CA5B: variants seen among roughly 807,000 people sequenced by gnomAD.
The protein encoded by CA5B is carbonic anhydrase 5B, mitochondrial.
Under a neutral mutation model 23.1 loss-of-function variants are expected in CA5B, and 15 were observed. The ratio of observed to expected loss-of-function variants is 0.65; its 90% CI spans 0.43 to 1.00. The LOEUF (loss-of-function observed/expected upper bound fraction) is 1.00, where lower values mean the gene tolerates loss of function less well. CA5B is among the 50% of genes least tolerant of loss of function. The probability of loss-of-function intolerance (pLI) is 0.00; values close to 1 mark genes in which losing one functional copy is unlikely to be tolerated. For synonymous variants in CA5B, 84 were observed against 98.5 expected, an observed-to-expected ratio of 0.85 and a Z score of 0.87; for missense variants, 236 against 252.2, an observed-to-expected ratio of 0.94 and a Z score of 0.43.
At chrX:15,752,057 A>G (rs189509079) in intron 2 of CA5B, among the ~76,000 whole-genome samples, 3 of 111,993 alleles carry the variant, frequency 2.7e-5, no homozygotes, top group Non-Finnish European at 5.6e-5. Flanking sequence ...CCCATGATAC[A>G]GCCTCAAGAG....
At chrX:15,753,728 G>A (rs1931429191) in intron 2 of CA5B, among the ~76,000 whole-genome samples, 1 of 112,031 alleles carries the variant, frequency 8.9e-6, no homozygotes, top group South Asian at 3.7e-4. Flanking sequence ...GGCCAACATG[G>A]TGAAACCCCA....
intron 3 of CA5B, among the ~76,000 whole-genome samples, chrX:15,769,828 G>C (rs779320487): frequency 1.4e-4 from 16 of 111,709 alleles, no homozygotes; most frequent in African/African-American, 4.5e-4. Flanking sequence ...TTATTTATGT[G>C]GGTTCTGTGT....
chrX:15,782,829 C>A lies in CA5B; in HGVS notation c.*165C>A. 2.6e-6 allele frequency: 1 copy of A among 381,906 alleles called. No homozygotes were observed. Among genetic ancestry groups the A allele is most frequent in the Non-Finnish European group, 4.5e-6 (1 of 223,081 alleles). The allele number at this position is 381,906 out of a possible 1,213,427, so 31.5% of individuals were successfully genotyped here. On this transcript the variant is annotated 3_prime_UTR_variant, in exon 8 of 8. Coordinates refer to ENST00000318636, the MANE Select transcript of CA5B (RefSeq NM_007220.4). ...GTCTTTGAGGAAGGCTATTCGGTAC[C>A]AGCAAGAGACACAAGTTTCTCTTAC...
chrX:15,739,615 T>C (rs1054592601), intron 1 of CA5B, among the ~76,000 whole-genome samples: 2 of 111,368 alleles, frequency 1.8e-5, no homozygotes, highest in Admixed American at 9.6e-5. Flanking sequence ...GTTGAGTGAA[T>C]TGTGAGTGAA....
intron 2 of CA5B, among the ~76,000 whole-genome samples, chrX:15,752,581 C>T (rs1234334974): frequency 1.8e-5 from 2 of 110,975 alleles, no homozygotes; most frequent in South Asian, 3.8e-4. Context: ...GAAAATTAGC[C>T]AGGCGTGGTG....
rs1223642673 is a variant in CA5B at position 15,787,600 on chromosome X, T to C, written c.*4936T>C. 8.9e-6 allele frequency: 1 copy of C among 112,626 alleles called. No individual in the cohort carries two copies. Among genetic ancestry groups the C allele is most frequent in the Non-Finnish European group, 1.9e-5 (1 of 53,378 alleles). The allele number at this position is 112,626 out of a possible 1,213,427, so 9.3% of individuals were successfully genotyped here. ...TCTGAAAATGAATTCAGTGGTTAAT[T>C]GTTAAAAATAAATGTCTAACTCCTA... On this transcript the variant is annotated 3_prime_UTR_variant, in exon 8 of 8. Transcript: ENST00000318636.
chrX:15,740,508 C>T (rs1221245184), intron 1 of CA5B, among the ~76,000 whole-genome samples: 1 of 112,582 alleles, frequency 8.9e-6, no homozygotes, highest in Admixed American at 9.4e-5. Context: ...TTTCTGTTTA[C>T]TTGGATTTTC....
chrX:15,753,571 G>A (rs758751531), intron 2 of CA5B, among the ~76,000 whole-genome samples: 2 of 112,502 alleles, frequency 1.8e-5, no homozygotes, highest in Admixed American at 1.9e-4. Context: ...TCTCCCACAA[G>A]GGATGGCTTT....
Position 15,764,537 on chromosome X carries a change from G to A in CA5B, c.143-41G>A, listed in dbSNP as rs753912883. 2.5e-6 allele frequency: 3 copies of A among 1,204,235 alleles called. No homozygotes were observed. The African/African-American group carries it at 5.3e-5, about 21-fold the overall frequency. On this transcript the variant is annotated intron_variant, in intron 2 of 7. Coordinates refer to ENST00000318636, the MANE Select transcript of CA5B (RefSeq NM_007220.4). ...TTATAGGAGTGAGCCACTGCACTCG[G>A]TCCAACAGTCTTGATAATAGGCTGA...
intron 6 of CA5B, 119 bp from the exon 7 acceptor site, chrX:15,776,595 G>T (rs1214690099): frequency 1.9e-6 from 1 of 521,509 alleles, no homozygotes; most frequent in Non-Finnish European, 3.3e-6. Context: ...GAAAGGCCTG[G>T]AGCTGCTCTG....
chrX:15,746,912 G>A (rs757513425), intron 1 of CA5B, among the ~76,000 whole-genome samples: 1 of 111,587 alleles, frequency 9.0e-6, no homozygotes, highest in Non-Finnish European at 1.9e-5. Flanking sequence ...CAATAGTGAT[G>A]TTATCCCAAG....
In CA5B at chrX:15,772,563, C is replaced by T. The variant is rs1353011857; in HGVS notation, c.408C>T (p.Ile136=). The part of the protein sequence containing the change: ...LKQFHFHWGA[I]DAWGSEHTVD... ...AGTTCCATTTTCACTGGGGGGCCATCGATGCCTGGGGTTCTGAGCACACCG... is the reference window on the plus strand; with the variant it reads ...AGTTCCATTTTCACTGGGGGGCCATTGATGCCTGGGGTTCTGAGCACACCG... Residue 136 remains isoleucine, a synonymous_variant, in exon 4 of 8, where the codon ATC becomes ATT. Coordinates refer to ENST00000318636, the MANE Select transcript of CA5B (RefSeq NM_007220.4). The T allele has an allele frequency of 5.0e-6, 6 of 1,206,159 alleles. No homozygotes were observed. The Admixed American group carries it at 6.6e-5, about 13-fold the overall frequency.
chrX:15,763,230 C>T (rs1182480293), intron 2 of CA5B, among the ~76,000 whole-genome samples: 2 of 112,103 alleles, frequency 1.8e-5, no homozygotes, highest in African/African-American at 6.5e-5. Flanking sequence ...TTTTTTCTAC[C>T]AGCCAACCAA....
chrX:15,763,206 G>A (rs1311520032), intron 2 of CA5B, among the ~76,000 whole-genome samples: 2 of 112,176 alleles, frequency 1.8e-5, no homozygotes, highest in Non-Finnish European at 3.8e-5. Flanking sequence ...ACAGGATGCA[G>A]GCTACGCAAG....
chrX:15,768,466 C>G (rs972875000), intron 3 of CA5B, among the ~76,000 whole-genome samples: 1 of 112,379 alleles, frequency 8.9e-6, no homozygotes, highest in Admixed American at 9.5e-5. Context: ...CACACACTTA[C>G]AAAATATGCA....
chrX:15,779,250 C>T, intron 7 of CA5B, among the ~76,000 whole-genome samples: 1 of 111,409 alleles, frequency 9.0e-6, no homozygotes. Context: ...GATGTTCCAG[C>T]TCAAGCAATC....
intron 2 of CA5B, chrX:15,762,717 A>T: frequency 3.0e-6 from 1 of 328,748 alleles, no homozygotes; most frequent in South Asian, 2.8e-5. Flanking sequence ...TGTCATCCTT[A>T]TTCTTAGTGG....
intron 2 of CA5B, among the ~76,000 whole-genome samples, chrX:15,756,775 C>T (rs1178124427): frequency 9.0e-6 from 1 of 111,688 alleles, no homozygotes; most frequent in African/African-American, 3.3e-5. Context: ...AAGTTTTTAG[C>T]CAGGCGCAGT....
chrX:15,740,052 T>C (rs1268233908), intron 1 of CA5B, among the ~76,000 whole-genome samples: 1 of 112,136 alleles, frequency 8.9e-6, no homozygotes, highest in Non-Finnish European at 1.9e-5. Context: ...ATTTAATAAA[T>C]ACAAGATTTA....
Sources: gnomAD v4.1 joint callset for allele counts (sites outside exome capture counted in the v4.1 genomes callset) on GRCh38, gnomAD v4.1.1 for gene constraint, MANE v1.5 for transcripts, NCBI Gene and HGNC (gene_info 2026-07-23, HGNC 2026-07-21) for gene names.